The following CSTF1 variants were observed in gnomAD, a reference collection of about 807,000 sequenced individuals.
The protein encoded by CSTF1 is CF-1 50 kDa subunit.
In CSTF1, 2 loss-of-function variants were observed where a neutral mutation model predicts 40.9. That is an observed-to-expected ratio of 0.05 (90% confidence interval 0.02 to 0.15). The LOEUF is 0.15. Ranked by LOEUF, CSTF1 falls within the 10% of genes least tolerant of loss-of-function variation. The probability of loss-of-function intolerance (pLI) is 1.00; values close to 1 mark genes in which losing one functional copy is unlikely to be tolerated. For missense variants in CSTF1, 279 were observed against 558.9 expected (o/e 0.50, Z 5.05); for synonymous variants, 218 against 207.2 (o/e 1.05, Z -0.45).
chr20:56,393,507 TA>T (rs1312216210), intron 1 of CSTF1, among the ~76,000 whole-genome samples: 2 of 152,018 alleles, frequency 1.3e-5, no homozygotes, highest in African/African-American at 4.8e-5. Flanking sequence ...TTTTTTCGGG[TA>T]ACTGAACATT....
At position 56,397,556 on chromosome 20, in the gene CSTF1, A is replaced by T; in HGVS notation, c.447+72A>T. On this transcript the variant is annotated intron_variant, in intron 3 of 5. Coordinates refer to ENST00000217109, the MANE Select transcript of CSTF1 (RefSeq NM_001324.3). This position sits in a 1 kb window ranked among gnomAD's most constrained non-coding sequence, Gnocchi z 4.4. ...TTTTGGAAAAATGAGAGTATGGTTG[A>T]AACCAGCTTTAGTTTGCTACAGTTG... is the stretch of plus-strand genomic sequence containing the variant. The T allele has an allele frequency of 6.2e-7, 1 of 1,600,166 alleles. No individual in the cohort carries two copies. The highest frequency in any genetic ancestry group is 2.2e-5 in the East Asian group (1 of 44,752).
In CSTF1 at chr20:56,395,636, C is replaced by T; in HGVS notation, c.84C>T (p.Ile28=). Reference sequence around the variant, plus strand: ...GCCAGCTGCTATATGACGGCTACATCAGCATCGCCAATGGCCTCATCAATG... The same window carrying T: ...GCCAGCTGCTATATGACGGCTACATTAGCATCGCCAATGGCCTCATCAATG... ...IISQLLYDGY[I]SIANGLINEI... The change falls in exon 2 of 6, where the codon ATC becomes ATT. Residue 28 remains isoleucine, a synonymous_variant. Transcript: ENST00000217109. 6.2e-7 allele frequency: 1 copy of T among 1,614,226 alleles called. No homozygotes were observed. The highest frequency in any genetic ancestry group is 8.5e-7 in the Non-Finnish European group (1 of 1,180,028).
At position 56,404,025 on chromosome 20, in the gene CSTF1, G is replaced by T; in HGVS notation, c.*298G>T. ...TTGATCTCTTGATTGAAGGAGGATA[G>T]GGCATTAAAGTGCTTTTGACATGAG... On this transcript the variant is annotated 3_prime_UTR_variant, in exon 6 of 6. Coordinates refer to ENST00000217109, the MANE Select transcript of CSTF1 (RefSeq NM_001324.3). The T allele has an allele frequency of 3.5e-6, 1 of 288,486 alleles. No individual in the cohort carries two copies. The highest frequency in any genetic ancestry group is 9.4e-5 in the South Asian group (1 of 10,666). The allele number at this position is 288,486 out of a possible 1,614,324, so 17.9% of individuals were successfully genotyped here.
chr20:56,397,712 T>C lies in CSTF1; in HGVS notation c.516T>C (p.His172=). 6.2e-7 allele frequency: 1 copy of C among 1,614,196 alleles called. No homozygotes were observed. Among genetic ancestry groups the C allele is most frequent in the Non-Finnish European group, 8.5e-7 (1 of 1,180,032 alleles). ...CAGTGATTCGAACTCTTTATGACCA[T>C]GTGGATGAAGTCACGTGCCTTGCTT... ...NHPVIRTLYD[H]VDEVTCLAFH... Residue 172 remains histidine (H), a synonymous_variant, in exon 4 of 6, where the codon CAT becomes CAC. Transcript: ENST00000217109. This position sits in a 1 kb window ranked among gnomAD's most constrained non-coding sequence, Gnocchi z 4.4.
intron 5 of CSTF1, among the ~76,000 whole-genome samples, chr20:56,402,824 A>G (rs1442029701): frequency 2.6e-5 from 4 of 151,918 alleles, no homozygotes; most frequent in Admixed American, 2.0e-4. Context: ...AGTCCCAGCT[A>G]CTTGGGAGGC....
chr20:56,401,658 C>T (rs1463463328), intron 5 of CSTF1, among the ~76,000 whole-genome samples: 1 of 152,168 alleles, frequency 6.6e-6, no homozygotes, highest in Non-Finnish European at 1.5e-5. Context: ...GCATAAATGT[C>T]CAATAAGAAG....
At position 56,397,814 on chromosome 20, in the gene CSTF1, A is replaced by G. The variant is rs1210739486; in HGVS notation, c.618A>G (p.Ser206=). ...TLKLFDYSKP[S]AKRAFKYIQE... Reference sequence around the variant, plus strand: ...AATTATTTGATTATTCCAAACCATCAGCAAAAAGAGCCTTCAAATACATTC... The same window carrying G: ...AATTATTTGATTATTCCAAACCATCGGCAAAAAGAGCCTTCAAATACATTC... Residue 206 remains serine, a synonymous_variant, in exon 4 of 6, where the codon TCA becomes TCG. Transcript: ENST00000217109. This position sits in a 1 kb window ranked among gnomAD's most constrained non-coding sequence, Gnocchi z 4.4. 6 of 1,613,738 alleles carry G rather than the reference A, an allele frequency of 3.7e-6. No homozygotes were observed. Among genetic ancestry groups the G allele is most frequent in the Non-Finnish European group, 5.1e-6 (6 of 1,179,696 alleles).
chr20:56,404,666 G>T lies in CSTF1; in HGVS notation c.*939G>T, dbSNP rs1978628728. 1 of 150,986 alleles carries T rather than the reference G, an allele frequency of 6.6e-6. No individual in the cohort carries two copies. The highest frequency in any genetic ancestry group is 6.6e-5 in the Admixed American group (1 of 15,150). 9.4% of individuals were successfully genotyped at this position (150,986 alleles called of 1,614,324 possible). A position where few individuals can be genotyped will look rare whatever the true frequency, so the allele number is the denominator to read the frequency against. On this transcript the variant is annotated 3_prime_UTR_variant, in exon 6 of 6. Coordinates refer to ENST00000217109, the MANE Select transcript of CSTF1 (RefSeq NM_001324.3). ...CTTGAATTTTTTTTTTTTTAATTGA[G>T]GCACAGTCTTGCTCTGTCACCCAGG... is the stretch of plus-strand genomic sequence containing the variant.
At position 56,405,858 on chromosome 20, in the gene CSTF1, TC is replaced by T. The variant is rs1346822087; in HGVS notation, c.*2133del. ...CCTCCCCTGTTCTTTTTTCAGACTT[TC>T]CTTTTGCTTTCAACCTCTTAAACTG... On this transcript the variant is annotated 3_prime_UTR_variant, in exon 6 of 6. Coordinates refer to ENST00000217109, the MANE Select transcript of CSTF1 (RefSeq NM_001324.3). 3.3e-5 allele frequency: 5 copies of T among 152,260 alleles called. No homozygotes were observed. The highest frequency in any genetic ancestry group is 1.2e-4 in the African/African-American group (5 of 41,472). 9.4% of individuals were successfully genotyped at this position (152,260 alleles called of 1,614,324 possible). A position where few individuals can be genotyped will look rare whatever the true frequency, so the allele number is the denominator to read the frequency against.
Position 56,397,976 on chromosome 20 carries a change from A to C in CSTF1, c.645+135A>C, listed in dbSNP as rs187829047. 1.3e-5 allele frequency: 9 copies of C among 691,472 alleles called. No individual in the cohort carries two copies. In the South Asian group the frequency reaches 1.7e-4, roughly 13 times the overall value. 42.8% of individuals were successfully genotyped at this position (691,472 alleles called of 1,614,324 possible). A position where few individuals can be genotyped will look rare whatever the true frequency, so the allele number is the denominator to read the frequency against. On this transcript the variant is annotated intron_variant, in intron 4 of 5. Transcript: ENST00000217109. The surrounding 1 kb of genome is among the most constrained non-coding windows in gnomAD (Gnocchi z 4.4). ...CAGACCAGGATGCATGCCCGATGGC[A>C]CATGGATCAGATTTTGTTGGCACAT...
In CSTF1 at chr20:56,403,454, G is replaced by A. The variant is rs1451120090; in HGVS notation, c.1037-14G>A. ...GTGGACTTAGAAAGCTATCCCTCTTGCTCTCTGTGGCAGGCGCGGGTTTAA... is the reference window on the plus strand; with the variant it reads ...GTGGACTTAGAAAGCTATCCCTCTTACTCTCTGTGGCAGGCGCGGGTTTAA... On this transcript the variant is annotated splice_polypyrimidine_tract_variant and intron_variant, in intron 5 of 5. Transcript: ENST00000217109. The A allele has an allele frequency of 6.2e-7, 1 of 1,613,642 alleles. No individual in the cohort carries two copies. Among genetic ancestry groups the A allele is most frequent in the Non-Finnish European group, 8.5e-7 (1 of 1,179,760 alleles).
chr20:56,395,849 G>A, intron 2 of CSTF1, 128 bp downstream of exon 2: 1 of 972,490 alleles, frequency 1.0e-6, no homozygotes, highest in Non-Finnish European at 1.5e-6. Flanking sequence ...CAGTAAGTAA[G>A]TAGTTCAGCA....
intron 5 of CSTF1, 29 bp from the exon 6 acceptor site, chr20:56,403,439 A>T: frequency 6.2e-7 from 1 of 1,611,654 alleles, no homozygotes. Context: ...GTGGACTTAG[A>T]AAGCTATCCC....
At chr20:56,402,587 A>T (rs991236345) in intron 5 of CSTF1, among the ~76,000 whole-genome samples, 7 of 152,210 alleles carry the variant, frequency 4.6e-5, no homozygotes, top group Non-Finnish European at 1.0e-4. Flanking sequence ...TGTACAAAGG[A>T]TGTTCATTAC....
chr20:56,395,312 G>A (rs947139242), intron 1 of CSTF1, among the ~76,000 whole-genome samples: 1 of 152,164 alleles, frequency 6.6e-6, no homozygotes, highest in African/African-American at 2.4e-5. Flanking sequence ...TGTGCTCAGG[G>A]CTTTATATGC....
In CSTF1 at chr20:56,405,361, C is replaced by T. The variant is rs1326159260; in HGVS notation, c.*1634C>T. 1 of 152,162 alleles carries T rather than the reference C, an allele frequency of 6.6e-6. No individual in the cohort carries two copies. The highest frequency in any genetic ancestry group is 1.5e-5 in the Non-Finnish European group (1 of 68,062). The allele number at this position is 152,162 out of a possible 1,614,324, so 9.4% of individuals were successfully genotyped here. On this transcript the variant is annotated 3_prime_UTR_variant, in exon 6 of 6. Transcript: ENST00000217109. ...AACTAGGATTACAGGCGTGCGCCAC[C>T]ATGCCCGGCTAATTTTGTATTTTTT...
Position 56,397,182 on chromosome 20 carries a change from CG to C in CSTF1, c.170-24del. On this transcript the variant is annotated intron_variant, in intron 2 of 5. Transcript: ENST00000217109. This position sits in a 1 kb window ranked among gnomAD's most constrained non-coding sequence, Gnocchi z 4.4. ...TTAAGAAAAAACACTTGTTTTGTTACGCCCTTAATTTTGATTTCTTTCAGGA... is the reference window on the plus strand; with the variant it reads ...TTAAGAAAAAACACTTGTTTTGTTACCCCTTAATTTTGATTTCTTTCAGGA... 6.3e-7 allele frequency: 1 copy of C among 1,595,130 alleles called. No homozygotes were observed. Among genetic ancestry groups the C allele is most frequent in the Non-Finnish European group, 8.6e-7 (1 of 1,169,480 alleles).
At position 56,397,943 on chromosome 20, in the gene CSTF1, G is replaced by A; in HGVS notation, c.645+102G>A. On this transcript the variant is annotated intron_variant, in intron 4 of 5. Transcript: ENST00000217109. This position sits in a 1 kb window ranked among gnomAD's most constrained non-coding sequence, Gnocchi z 4.4. ...AGTAGTCTCAGTGATCATCCTGTAA[G>A]ATGCGTACAGACCAGGATGCATGCC... 3 of 924,622 alleles carry A rather than the reference G, an allele frequency of 3.2e-6. No homozygotes were observed. The highest frequency in any genetic ancestry group is 4.9e-6 in the Non-Finnish European group (3 of 608,776). 57.3% of individuals were successfully genotyped at this position (924,622 alleles called of 1,614,324 possible). A position where few individuals can be genotyped will look rare whatever the true frequency, so the allele number is the denominator to read the frequency against.
intron 1 of CSTF1, among the ~76,000 whole-genome samples, chr20:56,394,413 C>T (rs1238583115): frequency 6.6e-6 from 1 of 152,106 alleles, no homozygotes; most frequent in Non-Finnish European, 1.5e-5. Flanking sequence ...ATGGTGAAAC[C>T]CCGTCTCTAC....
Sources: gnomAD v4.1 joint callset for allele counts (sites outside exome capture counted in the v4.1 genomes callset) on GRCh38, gnomAD v4.1.1 for gene constraint, Gnocchi (gnomAD v3.1) non-coding constraint, MANE v1.5 for transcripts, NCBI Gene and HGNC (gene_info 2026-07-23, HGNC 2026-07-21) for gene names.